Variants in EPSTI1 observed in about 807,000 individuals in gnomAD.
The protein encoded by EPSTI1 is epithelial stromal interaction 1.
EPSTI1 carries 66 observed loss-of-function variants against 49.9 expected under a neutral mutation model. The observed-to-expected ratio is 1.32, with a 90% CI of 1.08 to 1.62. The LOEUF is 1.62. EPSTI1 is among the 40% of genes most tolerant of loss of function. EPSTI1 has a pLI of 0.00. For missense variants in EPSTI1, 394 were observed against 365.5 expected (o/e 1.08, Z -0.64); for synonymous variants, 137 against 130.7 (o/e 1.05, Z -0.33).
Position 42,922,054 on chromosome 13 carries a change from C to T in EPSTI1, c.657+4282G>A, listed in dbSNP as rs181522041. 4.1e-4 allele frequency among the ~76,000 whole-genome samples: 62 copies of T among 152,100 alleles called. No individual in the cohort carries two copies. The highest frequency in any genetic ancestry group is 1.4e-3 in the African/African-American group (57 of 41,476). On this transcript the variant is annotated intron_variant, in intron 7 of 10. Transcript: ENST00000313624. This position sits in a 1 kb window ranked among gnomAD's most constrained non-coding sequence, Gnocchi z 4.8. ...TACAGAAGATATAACCAGAGTATAC[C>T]GACTGGCTTGGCAGTGAGAAAACGT...
intron 6 of EPSTI1, among the ~76,000 whole-genome samples, chr13:42,931,892 T>C (rs2038387800): frequency 6.6e-6 from 1 of 151,768 alleles, no homozygotes; most frequent in African/African-American, 2.4e-5. Context: ...AATACATAAA[T>C]ATTTTTTCTA....
chr13:42,949,591 CAAAAAAAAAAA>C (rs199737689), intron 6 of EPSTI1, among the ~76,000 whole-genome samples: 4,728 of 80,206 alleles, frequency 0.059, 194 homozygotes, highest in South Asian at 0.16. Flanking sequence ...GACTCCATGT[CAAAAAAAAAAA>C]AAAAAAGAAA....
intron 6 of EPSTI1, among the ~76,000 whole-genome samples, chr13:42,938,077 G>A (rs1402481585): frequency 6.6e-6 from 1 of 151,952 alleles, no homozygotes; most frequent in Non-Finnish European, 1.5e-5. Flanking sequence ...GTTTGACCTT[G>A]AACTTTTGAT....
intron 1 of EPSTI1, among the ~76,000 whole-genome samples, chr13:42,985,756 C>T (rs2040066297): frequency 6.6e-6 from 1 of 152,194 alleles, no homozygotes; most frequent in African/African-American, 2.4e-5. Context: ...TAAAATCCAA[C>T]CGGGCTTGCA....
intron 6 of EPSTI1, among the ~76,000 whole-genome samples, chr13:42,926,960 C>T (rs2038198833): frequency 6.6e-6 from 1 of 150,384 alleles, no homozygotes; most frequent in South Asian, 2.1e-4. Context: ...CTTTTGGACT[C>T]TGAAAGCAAA....
rs73182102 is a variant in EPSTI1, at chr13:42,906,089, G to A, written c.742-5706C>T. On this transcript the variant is annotated intron_variant, in intron 8 of 10. Transcript: ENST00000313624. ...ATAGCGCCACTGCCTGTGGCCACCC[G>A]ATGCAGTGCTCACCCAGGAGGGCTG... Among the ~76,000 whole-genome samples, 642 of 152,312 alleles carry A rather than the reference G, an allele frequency of 4.2e-3. 5 individuals carry two copies. Among genetic ancestry groups the A allele is most frequent in the Middle Eastern group, 0.014 (4 of 294 alleles).
At chr13:42,989,905 T>A (rs1221800641) in intron 1 of EPSTI1, among the ~76,000 whole-genome samples, 2 of 152,152 alleles carry the variant, frequency 1.3e-5, no homozygotes, top group African/African-American at 2.4e-5. Context: ...TTCATTTTTT[T>A]AAATCAGAAA....
At chr13:42,901,702 C>T (rs1434122454) in intron 8 of EPSTI1, among the ~76,000 whole-genome samples, 1 of 152,144 alleles carries the variant, frequency 6.6e-6, no homozygotes, top group Non-Finnish European at 1.5e-5. Flanking sequence ...ATTTTCAATT[C>T]CTGCATGTGG....
rs141537326 is a variant in EPSTI1, at chr13:42,922,549, A to G, written c.657+3787T>C. Among the ~76,000 whole-genome samples the G allele has an allele frequency of 2.9e-3, 446 of 152,282 alleles. 3 individuals are homozygous for G. The highest frequency in any genetic ancestry group is 9.9e-3 in the African/African-American group (413 of 41,550). On this transcript the variant is annotated intron_variant, in intron 7 of 10. Coordinates refer to ENST00000313624, the MANE Select transcript of EPSTI1 (RefSeq NM_033255.5). The surrounding 1 kb of genome is among the most constrained non-coding windows in gnomAD (Gnocchi z 4.8). ...TTCCTGTTGATACCCTCATTTTAGCATTTTAAAACCCATTTTTATTGCTGA... is the reference window on the plus strand; with the variant it reads ...TTCCTGTTGATACCCTCATTTTAGCGTTTTAAAACCCATTTTTATTGCTGA...
intron 1 of EPSTI1, among the ~76,000 whole-genome samples, chr13:42,990,391 C>T (rs1456396483): frequency 6.6e-6 from 1 of 152,082 alleles, no homozygotes; most frequent in Non-Finnish European, 1.5e-5. Context: ...AATAAGAAAA[C>T]AGATGCAACA....
rs538540183 is a variant in EPSTI1, at chr13:42,887,868, C to G, written c.*626G>C. 6.4e-6 allele frequency: 1 copy of G among 155,940 alleles called. No individual in the cohort carries two copies. Among genetic ancestry groups the G allele is most frequent in the African/African-American group, 2.4e-5 (1 of 41,550 alleles). 9.7% of individuals were successfully genotyped at this position (155,940 alleles called of 1,614,324 possible). The stretch of plus-strand genomic sequence containing the variant: ...AGTAAGTCAAGACCAAAACAAGAGC[C>G]AACAGTAATGACAGTACTATATTTG... On this transcript the variant is annotated 3_prime_UTR_variant, in exon 11 of 11. Coordinates refer to ENST00000313624, the MANE Select transcript of EPSTI1 (RefSeq NM_033255.5).
chr13:42,975,385 C>T (rs1418261005), intron 1 of EPSTI1, among the ~76,000 whole-genome samples: 1 of 152,200 alleles, frequency 6.6e-6, no homozygotes, highest in Non-Finnish European at 1.5e-5. Flanking sequence ...TCAGAAACTA[C>T]AGAGGCTAAG....
intron 6 of EPSTI1, among the ~76,000 whole-genome samples, chr13:42,942,979 C>T (rs1214597473): frequency 1.3e-5 from 2 of 152,166 alleles, no homozygotes; most frequent in African/African-American, 4.8e-5. Flanking sequence ...TGAGCCACCG[C>T]GCCCAGCCCT....
intron 7 of EPSTI1, among the ~76,000 whole-genome samples, chr13:42,924,070 T>G (rs952961215): frequency 6.6e-6 from 1 of 152,244 alleles, no homozygotes; most frequent in Admixed American, 6.5e-5. Context: ...AGAAATGTTC[T>G]TCACAGAAGT....
chr13:42,988,158 A>G (rs190992306), intron 1 of EPSTI1, among the ~76,000 whole-genome samples: 32 of 152,328 alleles, frequency 2.1e-4, no homozygotes, highest in East Asian at 1.7e-3. Context: ...GCAAGACCCC[A>G]TTTCCCAGAA....
At chr13:42,906,492 A>G (rs1211202385) in intron 8 of EPSTI1, among the ~76,000 whole-genome samples, 1 of 152,232 alleles carries the variant, frequency 6.6e-6, no homozygotes, top group Non-Finnish European at 1.5e-5. Flanking sequence ...AACTTCTCCC[A>G]GGAGAGCCTG....
intron 7 of EPSTI1, among the ~76,000 whole-genome samples, chr13:42,919,585 G>A (rs1038931816): frequency 6.6e-6 from 1 of 152,128 alleles, no homozygotes; most frequent in Non-Finnish European, 1.5e-5. Flanking sequence ...GTCAGGACAC[G>A]ATCCCAGGCC....
In EPSTI1 at chr13:42,888,307, C is replaced by G; in HGVS notation, c.*187G>C. 2.5e-6 allele frequency: 4 copies of G among 1,597,390 alleles called. No homozygotes were observed. In the South Asian group the frequency reaches 4.5e-5, roughly 18 times the overall value. ...AGAGATTAAATATGAGTTCAGGAATCAGCTCCTCCAAACATGCATAAATGA... is the reference window on the plus strand; with the variant it reads ...AGAGATTAAATATGAGTTCAGGAATGAGCTCCTCCAAACATGCATAAATGA... On this transcript the variant is annotated 3_prime_UTR_variant, in exon 11 of 11. Coordinates refer to ENST00000313624, the MANE Select transcript of EPSTI1 (RefSeq NM_033255.5).
At chr13:42,953,456 T>C (rs1347007660) in intron 6 of EPSTI1, among the ~76,000 whole-genome samples, 1 of 152,216 alleles carries the variant, frequency 6.6e-6, no homozygotes, top group Non-Finnish European at 1.5e-5. Flanking sequence ...GCTGCTGTTG[T>C]TCACAAATCA....
Sources: gnomAD v4.1 joint callset for allele counts (sites outside exome capture counted in the v4.1 genomes callset) on GRCh38, gnomAD v4.1.1 for gene constraint, Gnocchi (gnomAD v3.1) non-coding constraint, MANE v1.5 for transcripts, NCBI Gene and HGNC (gene_info 2026-07-23, HGNC 2026-07-21) for gene names.